SPPL2A: variants seen among roughly 807,000 people sequenced by gnomAD.
SPPL2A encodes signal peptide peptidase like 2A, also known as signal peptide peptidase-like 2A.
SPPL2A carries 51 observed loss-of-function variants against 63.8 expected under a neutral mutation model. That is an observed-to-expected ratio of 0.80 (90% CI 0.64 to 1.01). SPPL2A has a LOEUF of 1.01. Among genes scored for constraint, SPPL2A ranks in the 50% least tolerant of loss-of-function variants. The probability of loss-of-function intolerance (pLI) is 0.00; values close to 1 mark genes in which losing one functional copy is unlikely to be tolerated. For synonymous variants in SPPL2A, 188 were observed against 205.8 expected, an observed-to-expected ratio of 0.91 and a Z score of 0.74; for missense variants, 553 against 622.7, an observed-to-expected ratio of 0.89 and a Z score of 1.19.
At chr15:50,748,231 T>C (rs1181343246) in intron 3 of SPPL2A, 29 bp from the exon 4 acceptor site, 4 of 814,712 alleles carry the variant, frequency 4.9e-6, no homozygotes. Flanking sequence ...TGAAAACTTA[T>C]TTACTACTAA....
Position 50,748,768 on chromosome 15 carries a change from T to C in SPPL2A, c.280A>G (p.Ser94Gly). Residue 94 changes from serine to glycine, a missense_variant, in exon 3 of 15, where the codon AGC (serine) becomes GGC (glycine). By Grantham distance (56) the Ser-to-Gly change is moderately conservative. Transcript: ENST00000261854. ...KSKAVVVPWG[S>G]CHFLEKARIA... ...CTGGCTTTTTCAAGAAAATGGCAGC[T>C]TCCCCATGGAACCACAACTGCTTTG... The C allele has an allele frequency of 6.2e-7, 1 of 1,612,172 alleles. No individual in the cohort carries two copies. Among genetic ancestry groups the C allele is most frequent in the Non-Finnish European group, 8.5e-7 (1 of 1,179,192 alleles).
chr15:50,765,346 G>C (rs942615122), intron 1 of SPPL2A, 122 bp downstream of exon 1: 172 of 623,336 alleles, frequency 2.8e-4, no homozygotes, highest in Non-Finnish European at 4.2e-4. Context: ...AGGAGTGCGA[G>C]AGCAGGCCGC....
chr15:50,737,322 T>G (rs182214804), intron 6 of SPPL2A, among the ~76,000 whole-genome samples: 1 of 152,306 alleles, frequency 6.6e-6, no homozygotes, highest in East Asian at 1.9e-4. Context: ...TACTATAAAC[T>G]AAGAGTTGAT....
rs538124223 is a variant in SPPL2A, at chr15:50,708,655, G to A, written c.1489-781C>T. Among the ~76,000 whole-genome samples the A allele has an allele frequency of 2.2e-4, 33 of 149,100 alleles. No individual in the cohort carries two copies. In the East Asian group the frequency reaches 5.9e-3, roughly 27 times the overall value. ...CAGGAGGCGGAGGTTGCAGTGAGCCGAGATCACGCCACTGCACTCTAGCCT... is the reference window on the plus strand; with the variant it reads ...CAGGAGGCGGAGGTTGCAGTGAGCCAAGATCACGCCACTGCACTCTAGCCT... On this transcript the variant is annotated intron_variant, in intron 14 of 14. Coordinates refer to ENST00000261854, the MANE Select transcript of SPPL2A (RefSeq NM_032802.4).
At chr15:50,749,960 T>C (rs1181667803) in intron 1 of SPPL2A, 5 of 563,184 alleles carry the variant, frequency 8.9e-6, no homozygotes, top group East Asian at 5.9e-5. Context: ...TTAAGGAAGA[T>C]AGGTCACTTT....
At chr15:50,759,117 T>C (rs1567168868) in intron 1 of SPPL2A, among the ~76,000 whole-genome samples, 1 of 151,946 alleles carries the variant, frequency 6.6e-6, no homozygotes, top group Non-Finnish European at 1.5e-5. Flanking sequence ...CTGCGCAGCC[T>C]GGCCTCAAAC....
chr15:50,712,800 C>T (rs1401782882), intron 14 of SPPL2A, among the ~76,000 whole-genome samples: 14 of 151,800 alleles, frequency 9.2e-5, no homozygotes, highest in Admixed American at 9.2e-4. Context: ...ATTCTCCTGC[C>T]TCAGCCTCCC....
intron 14 of SPPL2A, among the ~76,000 whole-genome samples, chr15:50,718,596 T>C (rs941930475): frequency 6.6e-6 from 1 of 152,176 alleles, no homozygotes; most frequent in Non-Finnish European, 1.5e-5. Flanking sequence ...ACTAATTCTA[T>C]GTATAACAGT....
At chr15:50,760,285 C>CA (rs1424480932) in intron 1 of SPPL2A, among the ~76,000 whole-genome samples, 1 of 151,234 alleles carries the variant, frequency 6.6e-6, no homozygotes, top group African/African-American at 2.4e-5. Flanking sequence ...TCCCCCAAGA[C>CA]AGTCTTGCTC....
At chr15:50,753,931 G>A (rs1331727753) in intron 1 of SPPL2A, among the ~76,000 whole-genome samples, 1 of 151,988 alleles carries the variant, frequency 6.6e-6, no homozygotes, top group Non-Finnish European at 1.5e-5. Flanking sequence ...TGAGTTGCTG[G>A]GATTACAAGC....
intron 11 of SPPL2A, chr15:50,725,871 T>A: frequency 3.5e-6 from 1 of 288,928 alleles, no homozygotes; most frequent in South Asian, 3.6e-5. Context: ...ACATGTAGGA[T>A]TAACAGTATT....
chr15:50,726,078 C>A, intron 11 of SPPL2A: 11 of 1,481,486 alleles, frequency 7.4e-6, no homozygotes, highest in Non-Finnish European at 9.9e-6. Context: ...CTTACTTTCT[C>A]ATGGGGAGCT....
chr15:50,737,830 A>T (rs967313403), intron 6 of SPPL2A, among the ~76,000 whole-genome samples: 7 of 151,950 alleles, frequency 4.6e-5, no homozygotes, highest in Non-Finnish European at 7.4e-5. Context: ...CCAACACTAT[A>T]GGAGGCCGAG....
chr15:50,727,887 A>C (rs569138146), intron 10 of SPPL2A, among the ~76,000 whole-genome samples: 101 of 152,362 alleles, frequency 6.6e-4, no homozygotes, highest in South Asian at 1.9e-3. Context: ...CCAAAGAGCG[A>C]GCACTTAGCT....
At chr15:50,749,790 T>C in intron 1 of SPPL2A, 44 bp from the exon 2 acceptor site, 1 of 1,147,416 alleles carries the variant, frequency 8.7e-7, no homozygotes, top group South Asian at 1.2e-5. Context: ...TGTTATGGCT[T>C]GCCAACAACT....
intron 14 of SPPL2A, among the ~76,000 whole-genome samples, chr15:50,712,679 C>T (rs60853705): frequency 0.18 from 18,462 of 102,812 alleles, 1,556 homozygotes; most frequent in East Asian, 0.45. Context: ...CTCCCCCCCC[C>T]TTTTTTTTTT....
intron 14 of SPPL2A, among the ~76,000 whole-genome samples, chr15:50,710,781 G>C (rs2062549766): frequency 2.0e-5 from 3 of 152,282 alleles, no homozygotes; most frequent in African/African-American, 7.2e-5. Context: ...GTTACAGCTT[G>C]TGACTTCTAA....
chr15:50,719,763 G>T (rs2062629586), intron 14 of SPPL2A, among the ~76,000 whole-genome samples, 177 bp downstream of exon 14: 2 of 149,674 alleles, frequency 1.3e-5, no homozygotes, highest in Non-Finnish European at 1.5e-5. Context: ...CCAGGCTTTT[G>T]GCATTAGATT....
intron 5 of SPPL2A, chr15:50,743,056 G>A (rs2062834655): frequency 6.6e-6 from 1 of 152,494 alleles, no homozygotes; most frequent in African/African-American, 2.4e-5. Flanking sequence ...CGGATTGCCT[G>A]AGCTCAGGAG....
Sources: allele counts gnomAD v4.1 joint callset (sites outside exome capture counted in the v4.1 genomes callset), GRCh38; gene constraint gnomAD v4.1.1; transcripts MANE v1.5; gene names NCBI Gene and HGNC (gene_info 2026-07-23, HGNC 2026-07-21).